USP9X: variants seen among roughly 807,000 people sequenced by gnomAD.
The protein encoded by USP9X is ubiquitin carboxyl-terminal hydrolase 9X.
USP9X carries 7 observed loss-of-function variants against 190.3 expected under a neutral mutation model. The observed-to-expected ratio is 0.04, with a 90% confidence interval of 0.02 to 0.07. The LOEUF (loss-of-function observed/expected upper bound fraction) is 0.07, where lower values mean the gene tolerates loss of function less well. USP9X is among the 10% of genes least tolerant of loss of function. The pLI, the probability that USP9X is intolerant of heterozygous loss-of-function variation, is 1.00. For missense variants in USP9X, 1,010 were observed against 1,916.9 expected, an observed-to-expected ratio of 0.53 and a Z score of 8.83; for synonymous variants, 645 against 659.5, an observed-to-expected ratio of 0.98 and a Z score of 0.34.
At position 41,123,814 on chromosome X, in the gene USP9X, A is replaced by G. The variant is rs942135777; in HGVS notation, c.96+90A>G. The G allele has an allele frequency of 1.7e-5, 15 of 880,947 alleles. No individual in the cohort carries two copies. The African/African-American group carries it at 2.8e-4, about 17-fold the overall frequency. The allele number at this position is 880,947 out of a possible 1,213,427, so 72.6% of individuals were successfully genotyped here. A position where few individuals can be genotyped will look rare whatever the true frequency, so the allele number is the denominator to read the frequency against. On this transcript the variant is annotated intron_variant, in intron 2 of 44. Transcript: ENST00000378308. ...TCGCAGCACTTTGGGAGGTTGAGGC[A>G]GGCAGATCACTTGAGGTCAAGAGTT... is the stretch of plus-strand genomic sequence containing the variant.
intron 38 of USP9X, among the ~76,000 whole-genome samples, chrX:41,222,943 G>T (rs1717986749): frequency 9.0e-6 from 1 of 111,547 alleles, no homozygotes; most frequent in South Asian, 3.7e-4. Flanking sequence ...TCCTTACAGT[G>T]AGCCGGTGTG....
intron 21 of USP9X, among the ~76,000 whole-genome samples, chrX:41,175,674 C>CA (rs1197874768): frequency 7.7e-4 from 86 of 111,401 alleles, no homozygotes; most frequent in Non-Finnish European, 7.9e-4. Flanking sequence ...TTATTGCACT[C>CA]ATTGCTATCG....
intron 2 of USP9X, among the ~76,000 whole-genome samples, chrX:41,125,684 A>ACT (rs1555918325): frequency 0.015 from 288 of 18,952 alleles, 3 homozygotes; most frequent in Middle Eastern, 0.059. Context: ...ACACACACAC[A>ACT]CTCTCTCTCT....
Position 41,197,361 on chromosome X carries a change from C to T in USP9X, c.4234-3C>T. 2.3e-6 allele frequency: 1 copy of T among 432,384 alleles called. No homozygotes were observed. Among genetic ancestry groups the T allele is most frequent in the South Asian group, 4.8e-5 (1 of 20,975 alleles). 35.6% of individuals were successfully genotyped at this position (432,384 alleles called of 1,213,427 possible). The stretch of plus-strand genomic sequence containing the variant: ...CCCCCACCCCACCCCCCGCCTTTGG[C>T]AGGATGATGTTAAAAGAACAGGAGA... On this transcript the variant is annotated splice_region_variant and splice_polypyrimidine_tract_variant and intron_variant, in intron 28 of 44. Coordinates refer to ENST00000378308, the MANE Select transcript of USP9X (RefSeq NM_001039591.3).
At chrX:41,193,953 A>G (rs891128335) in intron 26 of USP9X, among the ~76,000 whole-genome samples, 1 of 112,242 alleles carries the variant, frequency 8.9e-6, no homozygotes, top group African/African-American at 3.2e-5. Context: ...ACGAGCATCA[A>G]CTTTTTATTG....
At chrX:41,170,287 C>A (rs769547215) in intron 19 of USP9X, 52 bp downstream of exon 19, 2 of 1,144,881 alleles carry the variant, frequency 1.7e-6, no homozygotes, top group South Asian at 2.0e-5. Flanking sequence ...CAGAGACTAT[C>A]GTTTAATCAG....
At chrX:41,158,141 G>T (rs2062595760) in intron 14 of USP9X, among the ~76,000 whole-genome samples, 1 of 111,113 alleles carries the variant, frequency 9.0e-6, no homozygotes, top group South Asian at 3.8e-4. Context: ...TGGGTACCAT[G>T]AAGGGGACCA....
At chrX:41,185,310 A>G (rs1312349425) in intron 23 of USP9X, among the ~76,000 whole-genome samples, 1 of 112,077 alleles carries the variant, frequency 8.9e-6, no homozygotes, top group African/African-American at 3.2e-5. Flanking sequence ...ATTTATGGTA[A>G]TATCACATAT....
At position 41,201,871 on chromosome X, in the gene USP9X, T is replaced by G. The variant is rs927361011; in HGVS notation, c.4824+591T>G. Among the ~76,000 whole-genome samples, 3 of 111,193 alleles carry G rather than the reference T, an allele frequency of 2.7e-5. No individual in the cohort carries two copies. In the South Asian group the frequency reaches 1.1e-3, roughly 42 times the overall value. On this transcript the variant is annotated intron_variant, in intron 31 of 44. Coordinates refer to ENST00000378308, the MANE Select transcript of USP9X (RefSeq NM_001039591.3). ...CTGTAGTCCTAGCTACTCGGAAGGC[T>G]GAGGCAGGAGAATCACTTGAACCCG...
At chrX:41,178,540 T>G (rs1185745090) in intron 21 of USP9X, among the ~76,000 whole-genome samples, 1 of 111,979 alleles carries the variant, frequency 8.9e-6, no homozygotes, top group East Asian at 2.8e-4. Flanking sequence ...TTGAGAAATA[T>G]CTATTCAAGT....
chrX:41,219,408 C>G (rs2063240861), intron 38 of USP9X, among the ~76,000 whole-genome samples, 177 bp downstream of exon 38: 1 of 108,688 alleles, frequency 9.2e-6, no homozygotes, highest in Non-Finnish European at 1.9e-5. Flanking sequence ...ATGCATGTGT[C>G]TTTGTGGTAG....
intron 1 of USP9X, among the ~76,000 whole-genome samples, chrX:41,109,906 C>G (rs1040688254): frequency 2.7e-5 from 3 of 111,702 alleles, no homozygotes; most frequent in African/African-American, 9.8e-5. Context: ...AAAAGAAAAG[C>G]TTTTACCTTT....
At chrX:41,197,658 T>G in intron 29 of USP9X, 148 bp downstream of exon 29, 1 of 533,572 alleles carries the variant, frequency 1.9e-6, no homozygotes, top group Non-Finnish European at 2.8e-6. Flanking sequence ...TTACAGTAAT[T>G]TAAGAAATAC....
chrX:41,176,728 G>T (rs979410565), intron 21 of USP9X, among the ~76,000 whole-genome samples: 1 of 112,214 alleles, frequency 8.9e-6, no homozygotes, highest in Non-Finnish European at 1.9e-5. Context: ...CAGTTCTGTT[G>T]TTCTGGCTAC....
chrX:41,111,197 A>G (rs1244691122), intron 1 of USP9X, among the ~76,000 whole-genome samples: 1 of 111,716 alleles, frequency 9.0e-6, no homozygotes, highest in East Asian at 2.8e-4. Context: ...AACCTTCACA[A>G]ATGGGATTAG....
At position 41,125,718 on chromosome X, in the gene USP9X, TCGCGCACGCG is replaced by T. The variant is rs1172145900; in HGVS notation, c.96+2000_96+2009del. On this transcript the variant is annotated intron_variant, in intron 2 of 44. Coordinates refer to ENST00000378308, the MANE Select transcript of USP9X (RefSeq NM_001039591.3). ...CTCTCTCTCTCTCTCTCTCTCTCTC[TCGCGCACGCG>T]CGCGCGCTCTCTCTCTCTCTGTTCC... Among the ~76,000 whole-genome samples the T allele has an allele frequency of 7.1e-5, 7 of 99,212 alleles. No homozygotes were observed. In the East Asian group the frequency reaches 1.2e-3, roughly 18 times the overall value. 86.2% of individuals were successfully genotyped at this position (99,212 alleles called of 115,157 possible).
At chrX:41,217,114 G>T in intron 35 of USP9X, 106 bp from the exon 36 acceptor site, 2 of 923,878 alleles carry the variant, frequency 2.2e-6, no homozygotes, top group Non-Finnish European at 1.5e-6. Context: ...CCTGAGAAGG[G>T]TTCTTAACAA....
intron 15 of USP9X, among the ~76,000 whole-genome samples, 174 bp from the exon 16 acceptor site, chrX:41,165,698 A>T (rs1156919327): frequency 9.1e-6 from 1 of 110,011 alleles, no homozygotes; most frequent in African/African-American, 3.3e-5. Context: ...TCTAGTGGGG[A>T]TTTTTTTTTA....
chrX:41,120,700 A>G (rs1395810563), intron 1 of USP9X, among the ~76,000 whole-genome samples: 1 of 110,405 alleles, frequency 9.1e-6, no homozygotes, highest in Non-Finnish European at 1.9e-5. Flanking sequence ...GGGTTTCGCC[A>G]TGTTAGCCAG....
Sources: allele counts gnomAD v4.1 joint callset (sites outside exome capture counted in the v4.1 genomes callset), GRCh38; gene constraint gnomAD v4.1.1; transcripts MANE v1.5; gene names NCBI Gene and HGNC (gene_info 2026-07-23, HGNC 2026-07-21).